The following RBFOX1 variants were observed in gnomAD, a reference collection of about 807,000 sequenced individuals.
The protein encoded by RBFOX1 is RNA binding protein fox-1 homolog 1.
A neutral mutation model predicts 57.7 loss-of-function variants in RBFOX1; 8 were observed. The ratio of observed to expected loss-of-function variants is 0.14; its 90% CI spans 0.08 to 0.25. The LOEUF is 0.25. Among genes scored for constraint, RBFOX1 ranks in the 10% least tolerant of loss-of-function variants. The pLI, the probability that RBFOX1 is intolerant of heterozygous loss-of-function variation, is 1.00. For missense variants in RBFOX1, 611 were observed against 548.5 expected (o/e 1.11, Z -1.14); for synonymous variants, 326 against 222.4 (o/e 1.47, Z -4.15).
chr16:7,688,690 C>T (rs2076656899), intron 14 of RBFOX1, among the ~76,000 whole-genome samples: 1 of 152,016 alleles, frequency 6.6e-6, no homozygotes, highest in African/African-American at 2.4e-5. Flanking sequence ...CCAGCTGAGG[C>T]AGATAGAGTA....
At chr16:7,661,945 T>C (rs1197587586) in intron 12 of RBFOX1, among the ~76,000 whole-genome samples, 1 of 152,162 alleles carries the variant, frequency 6.6e-6, no homozygotes, top group Admixed American at 6.5e-5. Flanking sequence ...GCATGTTCTT[T>C]CCTCACCTCT....
chr16:6,657,208 C>T (rs988419585), intron 3 of RBFOX1, among the ~76,000 whole-genome samples: 2 of 151,410 alleles, frequency 1.3e-5, no homozygotes, highest in African/African-American at 4.9e-5. Context: ...TCTCGTCTTC[C>T]TTCCTCCCTC....
rs1395506906 is a variant in RBFOX1, at chr16:6,119,113, A to G, written c.-127+99121A>G. 3.9e-5 allele frequency among the ~76,000 whole-genome samples: 6 copies of G among 151,916 alleles called. No individual in the cohort carries two copies. The East Asian group carries it at 1.2e-3, about 29-fold the overall frequency. On this transcript the variant is annotated intron_variant, in intron 1 of 15. Coordinates refer to ENST00000550418, the MANE Select transcript of RBFOX1 (RefSeq NM_018723.4). ...ATAATATGTCCGAGTGTCAGTTTCC[A>G]CATAGGTTTTACAGATATAATGGCA...
chr16:5,439,181 C>T (rs986152970), intron 1 of RBFOX1, among the ~76,000 whole-genome samples: 1 of 151,872 alleles, frequency 6.6e-6, no homozygotes, highest in Non-Finnish European at 1.5e-5. Context: ...TGCAGCTGGG[C>T]CCTGGTGAGT....
intron 4 of RBFOX1, among the ~76,000 whole-genome samples, chr16:7,490,469 G>T (rs540110253): frequency 2.0e-4 from 30 of 152,326 alleles, no homozygotes; most frequent in Non-Finnish European, 3.5e-4. Context: ...CAGCCAGCCA[G>T]GCTGTCTTCT....
intron 4 of RBFOX1, among the ~76,000 whole-genome samples, chr16:5,912,180 G>T (rs1416045559): frequency 6.6e-6 from 1 of 152,116 alleles, no homozygotes; most frequent in Non-Finnish European, 1.5e-5. Context: ...AAGTGACTTA[G>T]CCTCTCTGAG....
chr16:6,313,470 G>C (rs990594464), intron 1 of RBFOX1, among the ~76,000 whole-genome samples: 1 of 152,144 alleles, frequency 6.6e-6, no homozygotes, highest in Non-Finnish European at 1.5e-5. Flanking sequence ...AAACAGAAAC[G>C]TTGCAGTAGC....
At chr16:7,201,551 C>G (rs1282608569) in intron 4 of RBFOX1, among the ~76,000 whole-genome samples, 2 of 151,906 alleles carry the variant, frequency 1.3e-5, no homozygotes, top group Non-Finnish European at 2.9e-5. Context: ...AACCTCTGCC[C>G]CACTGGGTTC....
At chr16:5,467,496 A>G (rs1200988087) in intron 2 of RBFOX1, among the ~76,000 whole-genome samples, 2 of 152,110 alleles carry the variant, frequency 1.3e-5, no homozygotes, top group Non-Finnish European at 2.9e-5. Flanking sequence ...CATTTTTGCC[A>G]GGGTTGAGGG....
intron 3 of RBFOX1, among the ~76,000 whole-genome samples, chr16:6,807,981 C>T (rs952192930): frequency 1.4e-5 from 2 of 147,118 alleles, no homozygotes; most frequent in African/African-American, 2.5e-5. Flanking sequence ...GTATTGTACC[C>T]TGTATATATA....
At chr16:6,810,725 CCTT>C (rs2088305434) in intron 3 of RBFOX1, among the ~76,000 whole-genome samples, 1 of 152,072 alleles carries the variant, frequency 6.6e-6, no homozygotes, top group Non-Finnish European at 1.5e-5. Flanking sequence ...GAAGCAAATA[CCTT>C]CTTCACAGGG....
intron 4 of RBFOX1, among the ~76,000 whole-genome samples, chr16:7,380,234 G>A (rs1457528892): frequency 6.6e-6 from 1 of 152,100 alleles, no homozygotes; most frequent in Non-Finnish European, 1.5e-5. Flanking sequence ...AATGCTCAGA[G>A]TTTAGAAAAT....
intron 1 of RBFOX1, among the ~76,000 whole-genome samples, chr16:5,424,919 C>CTTTCTTCCTT: frequency 2.1e-5 from 2 of 96,752 alleles, no homozygotes; most frequent in South Asian, 3.3e-4. Context: ...TTCTTTCTTT[C>CTTTCTTCCTT]TTTCTTTCTT....
At chr16:7,626,926 G>A (rs1349435731) in intron 10 of RBFOX1, among the ~76,000 whole-genome samples, 1 of 152,160 alleles carries the variant, frequency 6.6e-6, no homozygotes, top group Non-Finnish European at 1.5e-5. Flanking sequence ...CTCTACCGCA[G>A]GTGGATTTTG....
rs1486666333 is a variant in RBFOX1, at chr16:7,174,228, T to C, written c.27+122130T>C. Among the ~76,000 whole-genome samples, 5 of 152,276 alleles carry C rather than the reference T, an allele frequency of 3.3e-5. No homozygotes were observed. In the East Asian group the frequency reaches 9.7e-4, roughly 29 times the overall value. ...TGAGGATGAACATGAGGTTCATCCA[T>C]GTGGATGCATGTATCACTACTTTGT... On this transcript the variant is annotated intron_variant, in intron 4 of 15. Transcript: ENST00000550418.
At chr16:6,845,185 G>T (rs2093691108) in intron 3 of RBFOX1, among the ~76,000 whole-genome samples, 1 of 151,976 alleles carries the variant, frequency 6.6e-6, no homozygotes, top group African/African-American at 2.4e-5. Flanking sequence ...AGTTTAATTA[G>T]ATCCCATTTA....
chr16:5,706,170 C>G (rs1012286361), intron 3 of RBFOX1, among the ~76,000 whole-genome samples: 1 of 152,226 alleles, frequency 6.6e-6, no homozygotes, highest in Admixed American at 6.5e-5. Flanking sequence ...CTCGGCCTCC[C>G]AAAGTGCTGG....
chr16:7,047,519 T>C (rs1193654220), intron 3 of RBFOX1, among the ~76,000 whole-genome samples: 1 of 152,144 alleles, frequency 6.6e-6, no homozygotes, highest in African/African-American at 2.4e-5. Context: ...GACTGTGATA[T>C]ATGTGGTTGT....
chr16:6,352,623 G>A (rs1036282477), intron 2 of RBFOX1, among the ~76,000 whole-genome samples: 4 of 152,096 alleles, frequency 2.6e-5, no homozygotes, highest in Admixed American at 2.6e-4. Flanking sequence ...CTTGCTTTGG[G>A]TTACCATGCG....
Sources: allele counts gnomAD v4.1 joint callset (sites outside exome capture counted in the v4.1 genomes callset), GRCh38; gene constraint gnomAD v4.1.1; transcripts MANE v1.5; gene names NCBI Gene and HGNC (gene_info 2026-07-23, HGNC 2026-07-21).